The following UROS variants were observed in gnomAD, a reference collection of about 807,000 sequenced individuals.
UROS encodes uroporphyrinogen III synthase.
A neutral mutation model predicts 33.0 loss-of-function variants in UROS; 18 were observed. The ratio of observed to expected loss-of-function variants is 0.55; its 90% confidence interval spans 0.38 to 0.81. The LOEUF (loss-of-function observed/expected upper bound fraction) is 0.81. Among genes scored for constraint, UROS ranks in the 30% least tolerant of loss-of-function variants. UROS has a pLI of 0.00. For missense variants in UROS, 293 were observed against 314.9 expected, an observed-to-expected ratio of 0.93 and a Z score of 0.53; for synonymous variants, 114 against 121.1, an observed-to-expected ratio of 0.94 and a Z score of 0.38.
intron 6 of UROS, 162 bp downstream of exon 6, chr10:125,807,251 C>CACAAAT (rs1473155710): frequency 8.7e-6 from 6 of 686,938 alleles, no homozygotes; most frequent in Non-Finnish European, 1.5e-5. Context: ...TATAGACATA[C>CACAAAT]ACAAATACAA....
At chr10:125,803,079 C>G in intron 6 of UROS, 1 of 1,611,926 alleles carries the variant, frequency 6.2e-7, no homozygotes, top group Admixed American at 1.7e-5. Context: ...CTTTTAGAAG[C>G]ACACAGAGCA....
chr10:125,819,292 T>C (rs1348699309), intron 1 of UROS, among the ~76,000 whole-genome samples: 1 of 152,182 alleles, frequency 6.6e-6, no homozygotes, highest in Non-Finnish European at 1.5e-5. Flanking sequence ...TAAAGTTTTT[T>C]AAAATAAACT....
chr10:125,814,967 A>C, intron 4 of UROS, 67 bp downstream of exon 4: 1 of 1,528,458 alleles, frequency 6.5e-7, no homozygotes, highest in East Asian at 2.3e-5. Context: ...TCTGGAATTT[A>C]GTCTCCCAGC....
intron 6 of UROS, 130 bp downstream of exon 6, chr10:125,807,283 G>T: frequency 1.2e-6 from 1 of 803,158 alleles, no homozygotes; most frequent in Non-Finnish European, 2.1e-6. Flanking sequence ...TCCCAGAGTG[G>T]GTTATACGAT....
At chr10:125,804,714 C>T (rs1852165752) in intron 6 of UROS, among the ~76,000 whole-genome samples, 1 of 152,198 alleles carries the variant, frequency 6.6e-6, no homozygotes, top group African/African-American at 2.4e-5. Context: ...TGAGGAAAAA[C>T]CCCACCTATT....
rs148468846 is a variant in UROS at position 125,800,275 on chromosome 10, G to A, written c.395-2130C>T. Among the ~76,000 whole-genome samples, 246 of 152,326 alleles carry A rather than the reference G, an allele frequency of 1.6e-3. 2 individuals carry two copies. The East Asian group carries it at 0.021, about 13-fold the overall frequency. On this transcript the variant is annotated intron_variant, in intron 6 of 9. Transcript: ENST00000368797. ...ATTGCTGGTCCCAGATGAAACCAGCGACCCAGGGGCAGAACGTCTGCCCGT... is the reference window on the plus strand; with the variant it reads ...ATTGCTGGTCCCAGATGAAACCAGCAACCCAGGGGCAGAACGTCTGCCCGT...
intron 6 of UROS, chr10:125,802,795 T>C: frequency 6.9e-7 from 1 of 1,442,958 alleles, no homozygotes; most frequent in Non-Finnish European, 9.1e-7. Flanking sequence ...CGGTACAGAC[T>C]GAGGCATCTG....
At chr10:125,807,352 A>T in intron 6 of UROS, 61 bp downstream of exon 6, 2 of 1,375,288 alleles carry the variant, frequency 1.5e-6, no homozygotes, top group Non-Finnish European at 2.1e-6. Context: ...TTCCCTAGGT[A>T]GTGGTTGTGA....
chr10:125,795,550 C>T (rs919137686), intron 8 of UROS, among the ~76,000 whole-genome samples: 2 of 152,160 alleles, frequency 1.3e-5, no homozygotes, highest in Non-Finnish European at 2.9e-5. Flanking sequence ...CTGAGTCCTC[C>T]AACAGTCCCC....
In UROS at chr10:125,816,450, T is replaced by G; in HGVS notation, c.50A>C (p.Asp17Ala). Reference protein sequence around the residue: ...KDAKEDDCGQDPYIRELGLYG... With the variant: ...KDAKEDDCGQAPYIRELGLYG... The stretch of plus-strand genomic sequence containing the variant: ...CAGGCCACTTACCCTGATATACGGA[T>G]CCTGGCCACAGTCATCTTCCTTCGC... Residue 17 changes from aspartate to alanine, a missense_variant, in exon 2 of 10, where the codon GAT (aspartate) becomes GCT (alanine). Coordinates refer to ENST00000368797, the MANE Select transcript of UROS (RefSeq NM_000375.3). 1 of 1,614,184 alleles carries G rather than the reference T, an allele frequency of 6.2e-7. No individual in the cohort carries two copies. The highest frequency in any genetic ancestry group is 8.5e-7 in the Non-Finnish European group (1 of 1,180,026).
At chr10:125,789,043 C>T (rs372846883) in intron 9 of UROS, 38 bp from the exon 10 acceptor site, 1 of 1,610,986 alleles carries the variant, frequency 6.2e-7, no homozygotes, top group Admixed American at 1.7e-5. Flanking sequence ...TTCAGCACAC[C>T]AGGAGGGGCT....
intron 9 of UROS, chr10:125,793,309 C>T (rs1304671311): frequency 7.0e-5 from 10 of 143,826 alleles, no homozygotes; most frequent in Non-Finnish European, 1.0e-4. Flanking sequence ...TAGGCTTATA[C>T]CACCAGGCAT....
chr10:125,807,258 A>G (rs1257268225), intron 6 of UROS, 155 bp downstream of exon 6: 3 of 702,790 alleles, frequency 4.3e-6, no homozygotes, highest in Non-Finnish European at 7.5e-6. Context: ...ATACACAAAT[A>G]CAAATAGGCT....
rs1564797856 is a variant in UROS, at chr10:125,812,204, G to C, written c.319+10C>G. On this transcript the variant is annotated intron_variant, in intron 5 of 9. Coordinates refer to ENST00000368797, the MANE Select transcript of UROS (RefSeq NM_000375.3). ...TTTTTTGTTGTTTTATTTTTACCTT[G>C]ACTCCTTACCTAGAGAAGCAGTAGC... The C allele has an allele frequency of 6.2e-7, 1 of 1,612,574 alleles. No homozygotes were observed. The highest frequency in any genetic ancestry group is 1.7e-5 in the Admixed American group (1 of 59,992).
chr10:125,803,124 C>A, intron 6 of UROS: 1 of 1,552,456 alleles, frequency 6.4e-7, no homozygotes, highest in Non-Finnish European at 8.8e-7. Flanking sequence ...TCAGCCAGTC[C>A]TAGGCTTGAG....
intron 3 of UROS, 140 bp downstream of exon 3, chr10:125,816,037 C>T: frequency 3.3e-6 from 3 of 906,390 alleles, no homozygotes; most frequent in Non-Finnish European, 3.5e-6. Context: ...CAGCAGCCTC[C>T]TGGAGCCAGG....
In UROS at chr10:125,798,038, G is replaced by C. The variant is rs747516472; in HGVS notation, c.475+27C>G. On this transcript the variant is annotated intron_variant, in intron 7 of 9. Coordinates refer to ENST00000368797, the MANE Select transcript of UROS (RefSeq NM_000375.3). The stretch of plus-strand genomic sequence containing the variant: ...CTCCTGGTGGATCCCAAAGTGGTAA[G>C]GGATGCAGTCAAAGCATTCTACTCG... The C allele has an allele frequency of 1.2e-5, 20 of 1,612,914 alleles. No individual in the cohort carries two copies. In the African/African-American group the frequency reaches 2.3e-4, roughly 18 times the overall value.
At chr10:125,802,118 T>C (rs1183827568) in intron 6 of UROS, 6 of 985,494 alleles carry the variant, frequency 6.1e-6, no homozygotes, top group Non-Finnish European at 7.2e-6. Flanking sequence ...ATACCATTTA[T>C]GCGGTGATGA....
chr10:125,803,983 G>A (rs1470645854), intron 6 of UROS, among the ~76,000 whole-genome samples: 3 of 152,234 alleles, frequency 2.0e-5, no homozygotes, highest in Non-Finnish European at 4.4e-5. Context: ...TGATACAAGA[G>A]GAAATATTTC....
Sources: allele counts gnomAD v4.1 joint callset (sites outside exome capture counted in the v4.1 genomes callset), GRCh38; gene constraint gnomAD v4.1.1; transcripts MANE v1.5; gene names NCBI Gene and HGNC (gene_info 2026-07-23, HGNC 2026-07-21).